The following ST6GAL1 variants were observed in gnomAD, a reference collection of about 807,000 sequenced individuals.
ST6GAL1 encodes the protein ST6 beta-galactoside alpha-2,6-sialyltransferase 1, also known as beta-galactoside alpha-2,6-sialyltransferase 1.
ST6GAL1 carries 20 observed loss-of-function variants against 38.0 expected under a neutral mutation model. That is an observed-to-expected ratio of 0.53 (90% CI 0.37 to 0.77). The LOEUF (loss-of-function observed/expected upper bound fraction) is 0.77. ST6GAL1 is among the 30% of genes least tolerant of loss of function. ST6GAL1 has a pLI of 0.00. For synonymous variants in ST6GAL1, 196 were observed against 188.2 expected (o/e 1.04, Z -0.34); for missense variants, 432 against 496.4 (o/e 0.87, Z 1.23).
chr3:187,024,201 C>A (rs1165832196), intron 2 of ST6GAL1, among the ~76,000 whole-genome samples: 1 of 151,884 alleles, frequency 6.6e-6, no homozygotes, highest in Non-Finnish European at 1.5e-5. Flanking sequence ...TCAAGTGATT[C>A]TCCTGCCTCA....
At chr3:187,058,179 A>AT (rs1377986068) in intron 5 of ST6GAL1, among the ~76,000 whole-genome samples, 1 of 152,008 alleles carries the variant, frequency 6.6e-6, no homozygotes, top group Non-Finnish European at 1.5e-5. Flanking sequence ...GGAGTGTCCC[A>AT]TTTTTTCAGG....
intron 2 of ST6GAL1, among the ~76,000 whole-genome samples, chr3:187,029,140 G>T (rs2108571121): frequency 1.3e-5 from 2 of 150,042 alleles, no homozygotes; most frequent in South Asian, 4.2e-4. Context: ...ACATCAGAAG[G>T]CACACACTAT....
intron 2 of ST6GAL1, among the ~76,000 whole-genome samples, chr3:187,002,625 AT>A (rs1169830205): frequency 1.3e-5 from 2 of 152,282 alleles, no homozygotes; most frequent in African/African-American, 4.8e-5. Flanking sequence ...GTCTGTGCCA[AT>A]TACCTTTGCT....
intron 5 of ST6GAL1, among the ~76,000 whole-genome samples, chr3:187,055,829 G>A (rs1276947537): frequency 6.6e-6 from 1 of 152,132 alleles, no homozygotes; most frequent in Non-Finnish European, 1.5e-5. Flanking sequence ...GGTCTGCTTG[G>A]TGCAGAGCTG....
intron 2 of ST6GAL1, among the ~76,000 whole-genome samples, chr3:187,009,622 AC>A (rs1716892567): frequency 6.6e-6 from 1 of 152,148 alleles, no homozygotes. Context: ...ACAGAGTGAG[AC>A]CCGGTCTCTA....
intron 5 of ST6GAL1, among the ~76,000 whole-genome samples, chr3:187,069,890 TTC>T (rs1266982806): frequency 6.6e-6 from 1 of 152,114 alleles, no homozygotes; most frequent in Non-Finnish European, 1.5e-5. Context: ...AAAAATGCAT[TTC>T]TCTCTCATGC....
chr3:187,045,887 A>T (rs1718277192), intron 4 of ST6GAL1, among the ~76,000 whole-genome samples: 1 of 152,222 alleles, frequency 6.6e-6, no homozygotes, highest in Non-Finnish European at 1.5e-5. Context: ...TTTGGGCATC[A>T]CAAATAATCC....
rs141643362 is a variant in ST6GAL1, at chr3:187,007,997, G to T, written c.-182-30745G>T. Among the ~76,000 whole-genome samples the T allele has an allele frequency of 5.1e-3, 768 of 151,938 alleles. 23 individuals carry two copies. The East Asian group carries it at 0.08, about 16-fold the overall frequency. On this transcript the variant is annotated intron_variant, in intron 2 of 7. Transcript: ENST00000169298. Reference sequence around the variant, plus strand: ...TACATTATGAAACAAAAAAAAATTGGAGAAAAATGAAAAGCCTTTCATGGT... The same window carrying T: ...TACATTATGAAACAAAAAAAAATTGTAGAAAAATGAAAAGCCTTTCATGGT...
chr3:187,059,265 T>C (rs1235995266), intron 5 of ST6GAL1, among the ~76,000 whole-genome samples: 3 of 152,172 alleles, frequency 2.0e-5, no homozygotes, highest in Non-Finnish European at 4.4e-5. Flanking sequence ...AAGAATTGGC[T>C]GGCCTTGCCC....
chr3:187,039,613 C>G (rs571807666), intron 3 of ST6GAL1, among the ~76,000 whole-genome samples: 8 of 152,224 alleles, frequency 5.3e-5, no homozygotes, highest in Non-Finnish European at 1.0e-4. Flanking sequence ...AGGCTTAACA[C>G]AGTCTGGTGT....
At chr3:187,012,898 G>A (rs1717002640) in intron 2 of ST6GAL1, among the ~76,000 whole-genome samples, 1 of 152,180 alleles carries the variant, frequency 6.6e-6, no homozygotes, top group Admixed American at 6.5e-5. Context: ...GTGAGTCGTC[G>A]GGTCTACCAG....
chr3:187,060,687 T>C (rs1718887454), intron 5 of ST6GAL1, among the ~76,000 whole-genome samples: 1 of 152,214 alleles, frequency 6.6e-6, no homozygotes, highest in Non-Finnish European at 1.5e-5. Context: ...CAGGTTTTAA[T>C]GTCGCATTAG....
intron 2 of ST6GAL1, among the ~76,000 whole-genome samples, chr3:186,975,288 C>G (rs1176430864): frequency 6.6e-6 from 1 of 152,092 alleles, no homozygotes; most frequent in East Asian, 1.9e-4. Flanking sequence ...ATGGAAGATG[C>G]AATTTCAGTG....
chr3:186,938,324 G>C (rs10513807), intron 1 of ST6GAL1, among the ~76,000 whole-genome samples: 4 of 151,966 alleles, frequency 2.6e-5, no homozygotes, highest in African/African-American at 4.8e-5. Flanking sequence ...ACTATGTATC[G>C]CCTATGTAGA....
At chr3:187,007,126 A>T (rs1010834158) in intron 2 of ST6GAL1, among the ~76,000 whole-genome samples, 5 of 152,214 alleles carry the variant, frequency 3.3e-5, no homozygotes, top group African/African-American at 1.2e-4. Context: ...TGGGTTCAAA[A>T]CTTGAACAAT....
intron 5 of ST6GAL1, among the ~76,000 whole-genome samples, chr3:187,069,386 A>G (rs950763487): frequency 1.3e-5 from 2 of 152,076 alleles, no homozygotes; most frequent in African/African-American, 4.8e-5. Flanking sequence ...CCCAGCCCTC[A>G]TCCTTGAACT....
rs544220979 is a variant in ST6GAL1, at chr3:187,071,471, C to T, written c.706-1378C>T. On this transcript the variant is annotated intron_variant, in intron 5 of 7. Coordinates refer to ENST00000169298, the MANE Select transcript of ST6GAL1 (RefSeq NM_173216.2). ...CACCGATCAGAAAATGAGGGCCGGC[C>T]GGGCGCGGTGGCTCATGCCTGTAAT... Among the ~76,000 whole-genome samples, 6 of 151,086 alleles carry T rather than the reference C, an allele frequency of 4.0e-5. No homozygotes were observed. In the East Asian group the frequency reaches 9.8e-4, roughly 25 times the overall value.
At chr3:186,982,839 G>T (rs1715738179) in intron 2 of ST6GAL1, among the ~76,000 whole-genome samples, 1 of 122,642 alleles carries the variant, frequency 8.2e-6, no homozygotes, top group South Asian at 2.6e-4. Flanking sequence ...CCGCCACCAT[G>T]CCCAGCTAAT....
chr3:186,966,202 A>G (rs888464500), intron 2 of ST6GAL1, among the ~76,000 whole-genome samples: 1 of 152,118 alleles, frequency 6.6e-6, no homozygotes, highest in Non-Finnish European at 1.5e-5. Context: ...GCCCGACCTA[A>G]CTGAGATCTT....
Sources: gnomAD v4.1 joint callset for allele counts (sites outside exome capture counted in the v4.1 genomes callset) on GRCh38, gnomAD v4.1.1 for gene constraint, MANE v1.5 for transcripts, NCBI Gene and HGNC (gene_info 2026-07-23, HGNC 2026-07-21) for gene names.